Variants in NLRP5 observed in about 807,000 individuals in gnomAD.
NLRP5 encodes NACHT, LRR and PYD domains-containing protein 5.
A neutral mutation model predicts 113.1 loss-of-function variants in NLRP5; 93 were observed. The observed-to-expected ratio is 0.82, with a 90% CI of 0.70 to 0.98. The LOEUF (loss-of-function observed/expected upper bound fraction) is 0.98. NLRP5 is among the 50% of genes least tolerant of loss of function. The probability of loss-of-function intolerance (pLI) is 0.00; values close to 1 mark genes in which losing one functional copy is unlikely to be tolerated. For missense variants in NLRP5, 1,808 were observed against 1,514.3 expected (o/e 1.19, Z -3.22); for synonymous variants, 751 against 600.7 (o/e 1.25, Z -3.66).
chr19:55,987,967 C>A, the NLRP5 span: 2 of 1,369,326 alleles, frequency 1.5e-6, no homozygotes, highest in African/African-American at 1.4e-5. Context: ...ACTCTGACAA[C>A]TGGCAAATAC....
chr19:56,006,289 T>A (rs943088502), intron 2 of NLRP5, among the ~76,000 whole-genome samples: 1 of 151,532 alleles, frequency 6.6e-6, no homozygotes, highest in African/African-American at 2.4e-5. Context: ...GTGGGGGAAG[T>A]GGGGAGTGAT....
intron 7 of NLRP5, among the ~76,000 whole-genome samples, chr19:56,030,532 T>TA (rs1403106153): frequency 2.6e-5 from 4 of 152,092 alleles, no homozygotes; most frequent in Non-Finnish European, 5.9e-5. Flanking sequence ...GCTTGCCCGT[T>TA]ACTTTGTTCT....
At chr19:56,005,287 TTTTATATATACACATATATA>T (rs1006371606) in intron 2 of NLRP5, among the ~76,000 whole-genome samples, 2 of 146,746 alleles carry the variant, frequency 1.4e-5, no homozygotes, top group South Asian at 2.1e-4. Flanking sequence ...ACACATATAT[TTTTATATATACACATATATA>T]TTTATATATA....
intron 12 of NLRP5, among the ~76,000 whole-genome samples, chr19:56,051,079 G>C (rs1983915588): frequency 6.6e-6 from 1 of 152,190 alleles, no homozygotes; most frequent in African/African-American, 2.4e-5. Context: ...TTAGTGGTTT[G>C]GATGTCTTCT....
At chr19:56,053,265 C>T (rs59855706) in intron 12 of NLRP5, among the ~76,000 whole-genome samples, 9,211 of 151,384 alleles carry the variant, frequency 0.061, 351 homozygotes, top group East Asian at 0.2. Context: ...CACAGTGGCA[C>T]GTGCCTGTAA....
At chr19:56,032,511 C>A in intron 7 of NLRP5, 100 bp from the exon 8 acceptor site, 2 of 1,096,056 alleles carry the variant, frequency 1.8e-6, no homozygotes, top group Non-Finnish European at 2.6e-6. Context: ...CCACCGTGGT[C>A]TCACCTCGAG....
intron 3 of NLRP5, among the ~76,000 whole-genome samples, chr19:56,014,883 G>A (rs998537284): frequency 6.6e-6 from 1 of 152,070 alleles, no homozygotes; most frequent in Non-Finnish European, 1.5e-5. Flanking sequence ...GCTATTCTGG[G>A]TCTGTTGAAT....
the NLRP5 span, among the ~76,000 whole-genome samples, chr19:55,990,065 TTTTTTTC>T: frequency 8.4e-6 from 1 of 119,516 alleles, no homozygotes; most frequent in Non-Finnish European, 1.7e-5. Context: ...TGCCGTTTCT[TTTTTTTC>T]TTTTTTCTTT....
intron 11 of NLRP5, among the ~76,000 whole-genome samples, chr19:56,048,076 C>T (rs1401280602): frequency 6.6e-6 from 1 of 152,136 alleles, no homozygotes; most frequent in African/African-American, 2.4e-5. Flanking sequence ...GCATGAAATG[C>T]CTTTTTGTAC....
chr19:56,001,884 C>G (rs1184486228), intron 1 of NLRP5, among the ~76,000 whole-genome samples: 4 of 152,066 alleles, frequency 2.6e-5, no homozygotes, highest in African/African-American at 9.7e-5. Context: ...GCTTTGTCAT[C>G]TACCACAAAG....
At position 56,008,767 on chromosome 19, in the gene NLRP5, C is replaced by G. The variant is rs1370364658; in HGVS notation, c.443-21C>G. The G allele has an allele frequency of 4.4e-6, 7 of 1,595,938 alleles. No homozygotes were observed. The Admixed American group carries it at 5.3e-5, about 12-fold the overall frequency. On this transcript the variant is annotated intron_variant, in intron 2 of 14. Transcript: ENST00000390649. The stretch of plus-strand genomic sequence containing the variant: ...ACAGTGACTTCATTGAGGCCAGTCT[C>G]CCTTTTTCTTTGTCTTCCAGGACAT...
chr19:56,050,641 C>G (rs1983900463), intron 12 of NLRP5, 53 bp downstream of exon 12: 1 of 1,543,366 alleles, frequency 6.5e-7, no homozygotes, highest in South Asian at 1.2e-5. Flanking sequence ...GTCTGGAGTT[C>G]CTGAAAGGTC....
chr19:55,989,917 C>A, the NLRP5 span, among the ~76,000 whole-genome samples: 1 of 152,138 alleles, frequency 6.6e-6, no homozygotes, highest in East Asian at 1.9e-4. Flanking sequence ...GTAGGAGCAC[C>A]TTTTCCTTCA....
chr19:56,031,332 A>G (rs1160233534), intron 7 of NLRP5, among the ~76,000 whole-genome samples: 1 of 152,098 alleles, frequency 6.6e-6, no homozygotes, highest in Non-Finnish European at 1.5e-5. Context: ...GACATTTCAA[A>G]GTAGAATCAT....
intron 2 of NLRP5, among the ~76,000 whole-genome samples, chr19:56,005,943 A>G (rs995701661): frequency 6.6e-6 from 1 of 152,222 alleles, no homozygotes; most frequent in African/African-American, 2.4e-5. Flanking sequence ...GACCAACTTC[A>G]TGGGCTAATA....
chr19:56,036,444 A>C (rs574888330), intron 9 of NLRP5, among the ~76,000 whole-genome samples: 1 of 152,140 alleles, frequency 6.6e-6, no homozygotes, highest in Non-Finnish European at 1.5e-5. Flanking sequence ...CATGCTGATA[A>C]ATGAAACGAG....
intron 12 of NLRP5, 122 bp from the exon 13 acceptor site, chr19:56,053,516 G>T: frequency 1.2e-6 from 1 of 827,940 alleles, no homozygotes. Flanking sequence ...TCACAGGAGT[G>T]GACAAAACAG....
intron 9 of NLRP5, among the ~76,000 whole-genome samples, chr19:56,037,695 A>C (rs1190160360): frequency 4.3e-5 from 2 of 46,140 alleles, no homozygotes; most frequent in Non-Finnish European, 7.6e-5. Flanking sequence ...CCCTGTCTCA[A>C]AAAAAAAAAA....
At chr19:56,037,560 G>T (rs1033752071) in intron 9 of NLRP5, among the ~76,000 whole-genome samples, 1 of 152,008 alleles carries the variant, frequency 6.6e-6, no homozygotes, top group African/African-American at 2.4e-5. Context: ...AGGTATGGTG[G>T]TGGGCACCTG....
Sources: gnomAD v4.1 joint callset for allele counts (sites outside exome capture counted in the v4.1 genomes callset) on GRCh38, gnomAD v4.1.1 for gene constraint, MANE v1.5 for transcripts, NCBI Gene and HGNC (gene_info 2026-07-23, HGNC 2026-07-21) for gene names.